The following KCNN2 variants were observed in gnomAD, a reference collection of about 807,000 sequenced individuals.
KCNN2 encodes small conductance calcium-activated potassium channel protein 2.
A neutral mutation model predicts 55.5 loss-of-function variants in KCNN2; 24 were observed. That is an observed-to-expected ratio of 0.43 (90% CI 0.31 to 0.61). The LOEUF (loss-of-function observed/expected upper bound fraction) is 0.61. Ranked by LOEUF, KCNN2 falls within the 20% of genes least tolerant of loss-of-function variation. The pLI is 0.08. For missense variants in KCNN2, 754 were observed against 853.6 expected (o/e 0.88, Z 1.45); for synonymous variants, 431 against 336.1 (o/e 1.28, Z -3.09).
At chr5:114,185,464 G>C (rs1393198493) in intron 1 of KCNN2, among the ~76,000 whole-genome samples, 1 of 152,230 alleles carries the variant, frequency 6.6e-6, no homozygotes, top group Admixed American at 6.5e-5. Context: ...GACATTTGCA[G>C]CAGGGAGGAG....
chr5:114,461,611 G>T (rs1761199447), intron 3 of KCNN2, among the ~76,000 whole-genome samples: 1 of 152,120 alleles, frequency 6.6e-6, no homozygotes, highest in South Asian at 2.1e-4. Flanking sequence ...TGGGTCTCTT[G>T]TATGTCCAAA....
At chr5:114,335,113 C>T (rs978178835) in intron 2 of KCNN2, among the ~76,000 whole-genome samples, 1 of 152,078 alleles carries the variant, frequency 6.6e-6, no homozygotes, top group Non-Finnish European at 1.5e-5. Flanking sequence ...TTAGTAGAGA[C>T]GGGGTTTCAC....
intron 2 of KCNN2, among the ~76,000 whole-genome samples, chr5:114,258,488 G>A (rs971065810): frequency 9.9e-5 from 15 of 151,898 alleles, no homozygotes; most frequent in Admixed American, 7.2e-4. Flanking sequence ...TTTTTTCTTG[G>A]GAGATTTTTT....
chr5:114,415,639 C>G (rs1341900205), intron 3 of KCNN2, among the ~76,000 whole-genome samples: 1 of 152,108 alleles, frequency 6.6e-6, no homozygotes, highest in East Asian at 1.9e-4. Context: ...CCTCTAATGA[C>G]TAATAATGGT....
At chr5:114,232,219 G>C (rs1389555128) in intron 2 of KCNN2, among the ~76,000 whole-genome samples, 1 of 150,656 alleles carries the variant, frequency 6.6e-6, no homozygotes, top group Non-Finnish European at 1.5e-5. Context: ...TTGAATAGAG[G>C]ATTAATGGTC....
intron 1 of KCNN2, among the ~76,000 whole-genome samples, chr5:114,132,691 G>C (rs1198405218): frequency 6.6e-6 from 1 of 152,070 alleles, no homozygotes; most frequent in Non-Finnish European, 1.5e-5. Context: ...AAATGATTGA[G>C]GGATAAAAGC....
At chr5:114,103,486 G>A (rs1293730383) in intron 1 of KCNN2, among the ~76,000 whole-genome samples, 2 of 152,236 alleles carry the variant, frequency 1.3e-5, no homozygotes, top group East Asian at 3.9e-4. Context: ...GTGAGAGAGG[G>A]CATCCTTGCC....
At chr5:114,434,953 TAAG>T (rs1759951718) in intron 3 of KCNN2, among the ~76,000 whole-genome samples, 3 of 152,240 alleles carry the variant, frequency 2.0e-5, no homozygotes, top group Non-Finnish European at 4.4e-5. Context: ...AAGCTATTGT[TAAG>T]AACAAAATGT....
chr5:114,402,153 G>A (rs964758411), intron 2 of KCNN2, among the ~76,000 whole-genome samples: 4 of 152,174 alleles, frequency 2.6e-5, no homozygotes, highest in Non-Finnish European at 5.9e-5. Flanking sequence ...CTTAAGAGTG[G>A]CAGCAGATGG....
chr5:114,323,263 G>A lies in KCNN2; in HGVS notation c.-184-37682G>A, dbSNP rs116390433. Among the ~76,000 whole-genome samples the A allele has an allele frequency of 1.5e-3, 226 of 152,250 alleles. 2 individuals are homozygous for A. Among genetic ancestry groups the A allele is most frequent in the African/African-American group, 5.3e-3 (220 of 41,546 alleles). On this transcript the variant is annotated intron_variant, in intron 2 of 10. Coordinates refer to the KCNN2 transcript ENST00000512097. Reference sequence around the variant, plus strand: ...GCATCGTCTCTGGAGTCACATTTCCGGAGTTTAAACCTGTGTTAGTTACTA... The same window carrying A: ...GCATCGTCTCTGGAGTCACATTTCCAGAGTTTAAACCTGTGTTAGTTACTA...
intron 1 of KCNN2, among the ~76,000 whole-genome samples, chr5:114,162,959 C>T (rs1441328500): frequency 1.3e-5 from 2 of 152,190 alleles, no homozygotes; most frequent in South Asian, 2.1e-4. Flanking sequence ...CCGGGTGAGG[C>T]GATGCCTCTC....
At chr5:114,159,954 G>C (rs1752729661) in intron 1 of KCNN2, among the ~76,000 whole-genome samples, 1 of 152,094 alleles carries the variant, frequency 6.6e-6, no homozygotes, top group Non-Finnish European at 1.5e-5. Flanking sequence ...CAAAAAACCA[G>C]CTCCTGGATT....
chr5:114,103,748 A>G (rs1396108251), intron 1 of KCNN2, among the ~76,000 whole-genome samples: 2 of 152,114 alleles, frequency 1.3e-5, no homozygotes, highest in Admixed American at 1.3e-4. Context: ...CATATGTTGA[A>G]TCAGCCTTGC....
intron 1 of KCNN2, among the ~76,000 whole-genome samples, chr5:114,181,118 G>A (rs1018221938): frequency 2.6e-5 from 4 of 152,134 alleles, no homozygotes; most frequent in Non-Finnish European, 5.9e-5. Flanking sequence ...GTGGACATGT[G>A]CTTTCTTTTC....
chr5:114,400,587 G>A (rs1054630403), intron 2 of KCNN2, among the ~76,000 whole-genome samples: 2 of 152,144 alleles, frequency 1.3e-5, no homozygotes, highest in Admixed American at 1.3e-4. Context: ...GTCAACAAAG[G>A]CCTGCTTATC....
At chr5:114,432,554 T>G (rs1759831478) in intron 3 of KCNN2, among the ~76,000 whole-genome samples, 1 of 152,180 alleles carries the variant, frequency 6.6e-6, no homozygotes. Context: ...TCTCGGCGCC[T>G]CCTCTGCCTG....
intron 1 of KCNN2, among the ~76,000 whole-genome samples, chr5:114,057,981 A>C (rs936148840): frequency 1.9e-4 from 29 of 152,228 alleles, no homozygotes; most frequent in African/African-American, 6.8e-4. Context: ...TGACTTTGGA[A>C]AACAGTTTGA....
At chr5:114,174,921 A>G (rs1444688291) in intron 1 of KCNN2, among the ~76,000 whole-genome samples, 1 of 152,178 alleles carries the variant, frequency 6.6e-6, no homozygotes, top group African/African-American at 2.4e-5. Context: ...AGCTGCCCCC[A>G]ATGGGCTGTG....
chr5:114,162,993 C>CA (rs1329095030), intron 1 of KCNN2, among the ~76,000 whole-genome samples: 2 of 152,158 alleles, frequency 1.3e-5, no homozygotes, highest in African/African-American at 4.8e-5. Context: ...ATGCACGGTG[C>CA]ACTGCACCCA....
Sources: allele counts gnomAD v4.1 joint callset (sites outside exome capture counted in the v4.1 genomes callset), GRCh38; gene constraint gnomAD v4.1.1; transcripts MANE v1.5; gene names NCBI Gene and HGNC (gene_info 2026-07-23, HGNC 2026-07-21).